Variants in ATG2A observed in about 807,000 individuals in gnomAD.
The protein encoded by ATG2A is autophagy related 2A.
A neutral mutation model predicts 214.2 loss-of-function variants in ATG2A; 103 were observed. That is an observed-to-expected ratio of 0.48 (90% CI 0.41 to 0.57). The LOEUF (loss-of-function observed/expected upper bound fraction) is 0.57. ATG2A is among the 20% of genes least tolerant of loss of function. ATG2A has a pLI of 0.00. For synonymous variants in ATG2A, 1,160 were observed against 1,142.1 expected, an observed-to-expected ratio of 1.02 and a Z score of -0.32; for missense variants, 2,312 against 2,613.2, an observed-to-expected ratio of 0.88 and a Z score of 2.51.
Position 64,914,423 on chromosome 11 carries a change from G to C in ATG2A, c.249C>G (p.Ala83=), listed in dbSNP as rs374688586. ...VEGFVGSIEV[A]VPWAALLTDH... is the part of the protein sequence containing the mutation. The stretch of plus-strand genomic sequence containing the variant: ...CGGTGAGCAGAGCAGCCCAGGGCAC[G>C]GCCACCTCGATGGAGCCCACGAAGC... Residue 83 remains alanine, a synonymous_variant, in exon 2 of 41, where the codon GCC becomes GCG. Transcript: ENST00000377264. The C allele has an allele frequency of 2.5e-6, 4 of 1,612,368 alleles. No individual in the cohort carries two copies. Among genetic ancestry groups the C allele is most frequent in the Non-Finnish European group, 3.4e-6 (4 of 1,179,714 alleles).
chr11:64,901,825 G>A (rs1393899738), intron 29 of ATG2A, 137 bp downstream of exon 29: 2 of 992,172 alleles, frequency 2.0e-6, no homozygotes, highest in East Asian at 5.1e-5. Context: ...CACCCCCGAG[G>A]TGATGGCAAC....
chr11:64,915,132 A>ACCCC (rs34205615), intron 1 of ATG2A, among the ~76,000 whole-genome samples: 3 of 36,582 alleles, frequency 8.2e-5, no homozygotes, highest in Admixed American at 3.0e-4. Flanking sequence ...GCCAGATGGG[A>ACCCC]CCCCCCCCCC....
chr11:64,899,999 T>C (rs1026503382), intron 31 of ATG2A, among the ~76,000 whole-genome samples: 22 of 150,262 alleles, frequency 1.5e-4, no homozygotes, highest in African/African-American at 4.7e-4. Flanking sequence ...GCTGGGACTA[T>C]AGGCACACAC....
At position 64,895,568 on chromosome 11, in the gene ATG2A, G is replaced by A. The variant is rs1381226595; in HGVS notation, c.5428-126C>T. ...TGCCTGTCACTGTGCTGGCCTAGGGGGTCCTGCTCAGCCTCACTCCCCACT... is the reference window on the plus strand; with the variant it reads ...TGCCTGTCACTGTGCTGGCCTAGGGAGTCCTGCTCAGCCTCACTCCCCACT... On this transcript the variant is annotated intron_variant, in intron 39 of 40. Coordinates refer to ENST00000377264, the MANE Select transcript of ATG2A (RefSeq NM_015104.3). This position sits in a 1 kb window ranked among gnomAD's most constrained non-coding sequence, Gnocchi z 5.0. 2.4e-5 allele frequency: 27 copies of A among 1,132,118 alleles called. No individual in the cohort carries two copies. Among genetic ancestry groups the A allele is most frequent in the African/African-American group, 3.2e-5 (2 of 63,446 alleles). The allele number at this position is 1,132,118 out of a possible 1,614,324, so 70.1% of individuals were successfully genotyped here.
chr11:64,900,104 G>C (rs1944300588), intron 31 of ATG2A, among the ~76,000 whole-genome samples: 1 of 149,688 alleles, frequency 6.7e-6, no homozygotes, highest in Non-Finnish European at 1.5e-5. Context: ...GAGCTCAGGT[G>C]ATCTGCTCTC....
In ATG2A at chr11:64,913,909, T is replaced by G. The variant is rs757827358; in HGVS notation, c.502A>C (p.Lys168Gln). 5 of 1,614,042 alleles carry G rather than the reference T, an allele frequency of 3.1e-6. No homozygotes were observed. In the South Asian group the frequency reaches 4.4e-5, roughly 14 times the overall value. The change falls in exon 4 of 41, where the codon AAA becomes CAA. Residue 168 changes from lysine to glutamine, a missense_variant. Coordinates refer to ENST00000377264, the MANE Select transcript of ATG2A (RefSeq NM_015104.3). This position sits in a 1 kb window ranked among gnomAD's most constrained non-coding sequence, Gnocchi z 4.3. The stretch of plus-strand genomic sequence containing the variant: ...ACGACAGTGTCCAGGAAGGTCACTT[T>G]GATCCTCCGAAGCACTGAGGAGTTG... ...QTIETVLRRI[K>Q]VTFLDTVVRV...
rs773151379 is a variant in ATG2A, at chr11:64,907,840, G to A, written c.2415C>T (p.Thr805=). The part of the protein sequence containing the change: ...PEEMRTFQSR[T]LALSRCSLEV... ...CCAGGCTGCAGCGGGACAGTGCCAGGGTCCGGCTCTGGAACGTCCTCATCT... is the reference window on the plus strand; with the variant it reads ...CCAGGCTGCAGCGGGACAGTGCCAGAGTCCGGCTCTGGAACGTCCTCATCT... Residue 805 remains threonine, a synonymous_variant, in exon 17 of 41, where the codon ACC becomes ACT. Transcript: ENST00000377264. 2.7e-5 allele frequency: 44 copies of A among 1,613,298 alleles called. No individual in the cohort carries two copies. The highest frequency in any genetic ancestry group is 1.1e-4 in the South Asian group (10 of 90,984).
intron 30 of ATG2A, 38 bp downstream of exon 30, chr11:64,900,841 CCCCAA>C (rs1565744531): frequency 6.5e-7 from 1 of 1,539,338 alleles, no homozygotes; most frequent in Admixed American, 2.0e-5. Flanking sequence ...CCAGCCTGAG[CCCCAA>C]CCTTCACCAG....
intron 27 of ATG2A, 53 bp downstream of exon 27, chr11:64,902,463 G>C: frequency 6.5e-7 from 1 of 1,531,410 alleles, no homozygotes. Context: ...GCCATGGCAG[G>C]GGAGGGGCCT....
chr11:64,906,529 G>A lies in ATG2A; in HGVS notation c.2988C>T (p.Ala996=), dbSNP rs770669434. 19 of 1,612,596 alleles carry A rather than the reference G, an allele frequency of 1.2e-5. No homozygotes were observed. Among genetic ancestry groups the A allele is most frequent in the East Asian group, 8.9e-5 (4 of 44,880 alleles). The change falls in exon 21 of 41, where the codon GCC becomes GCT. Residue 996 remains alanine, a synonymous_variant. Transcript: ENST00000377264. The part of the protein sequence containing the change: ...AEKATLYHRA[A]VDDYPLPSHL... ...GACTGGGCAGCGGGTAGTCATCCAC[G>A]GCCGCTGGGGAGGGGTCTCATGAGC...
Position 64,898,348 on chromosome 11 carries a change from C to T in ATG2A, c.4686G>A (p.Ala1562=), listed in dbSNP as rs1229625519. Residue 1562 remains alanine (A), a synonymous_variant, in exon 33 of 41, where the codon GCG becomes GCA. Coordinates refer to ENST00000377264, the MANE Select transcript of ATG2A (RefSeq NM_015104.3). This position sits in a 1 kb window ranked among gnomAD's most constrained non-coding sequence, Gnocchi z 4.5. ...RAHSNMLTIK[A]LHVAPTTNLG... ...GGTTGGTAGTGGGGGCCACATGCAG[C>T]GCTTTGATGGTGAGCTGGGAGCAGA... The T allele has an allele frequency of 1.2e-6, 2 of 1,605,054 alleles. No individual in the cohort carries two copies. The highest frequency in any genetic ancestry group is 1.1e-5 in the South Asian group (1 of 90,128).
intron 30 of ATG2A, 116 bp from the exon 31 acceptor site, chr11:64,900,745 G>A: frequency 6.9e-7 from 1 of 1,445,536 alleles, no homozygotes; most frequent in East Asian, 2.5e-5. Context: ...CTGGAAGGCA[G>A]GCGGGATAAG....
chr11:64,906,308 G>T, intron 21 of ATG2A, 26 bp downstream of exon 21: 1 of 1,611,228 alleles, frequency 6.2e-7, no homozygotes, highest in Non-Finnish European at 8.5e-7. Flanking sequence ...GCTAGCAGGA[G>T]GGGTGGATGG....
Position 64,910,185 on chromosome 11 carries a change from CGGGGTCGGCTCTGAGGGCGA to C in ATG2A, c.1708-10_1717del. ...GTGGCAATGGCAGGCAACTGAGCGC[CGGGGTCGGCTCTGAGGGCGA>C]GGGCGTTCAGGTCAGTGAGGGCTGA... is the stretch of plus-strand genomic sequence containing the variant. On this transcript the variant is annotated splice_acceptor_variant and splice_polypyrimidine_tract_variant and coding_sequence_variant and intron_variant, in exon 13 of 41. Transcript: ENST00000377264. LOFTEE classifies it high-confidence loss of function. 1 of 1,601,696 alleles carries C rather than the reference CGGGGTCGGCTCTGAGGGCGA, an allele frequency of 6.2e-7. No individual in the cohort carries two copies. Among genetic ancestry groups the C allele is most frequent in the Admixed American group, 1.7e-5 (1 of 57,928 alleles).
At chr11:64,908,493 G>A (rs1054091157) in intron 16 of ATG2A, among the ~76,000 whole-genome samples, 6 of 152,162 alleles carry the variant, frequency 3.9e-5, no homozygotes, top group African/African-American at 4.8e-5. Flanking sequence ...CGGAGGTTGC[G>A]GTGAGCCGAG....
intron 3 of ATG2A, 73 bp downstream of exon 3, chr11:64,914,008 C>A: frequency 6.4e-7 from 1 of 1,559,798 alleles, no homozygotes; most frequent in Non-Finnish European, 8.7e-7. Flanking sequence ...GGTGGCCGTG[C>A]CGTTGTCTGG....
rs1944868048 is a variant in ATG2A at position 64,913,692 on chromosome 11, C to G, written c.590+129G>C. The G allele has an allele frequency of 6.1e-6, 6 of 977,764 alleles. No homozygotes were observed. Among genetic ancestry groups the G allele is most frequent in the Non-Finnish European group, 7.7e-6 (5 of 651,126 alleles). 60.6% of individuals were successfully genotyped at this position (977,764 alleles called of 1,614,324 possible). ...CACGATGCAGCCCACCTCCCCAACC[C>G]TACCACCACCGAGGCCCATCCAGAT... On this transcript the variant is annotated intron_variant, in intron 4 of 40. Transcript: ENST00000377264. The surrounding 1 kb of genome is among the most constrained non-coding windows in gnomAD (Gnocchi z 4.3).
intron 14 of ATG2A, 41 bp from the exon 15 acceptor site, chr11:64,909,408 CT>C: frequency 6.3e-7 from 1 of 1,585,212 alleles, no homozygotes. Flanking sequence ...TCACTGCTGC[CT>C]TTTCCTATTT....
chr11:64,911,923 A>T lies in ATG2A; in HGVS notation c.1147T>A (p.Ser383Thr). The part of the protein sequence containing the change: ...SSVASALSEL[S>T]LSDVDLASSV... ...GAGGCCAGGTCTACATCGGAGAGGG[A>T]GAGCTCAGAGAGGGCTGAGGCCACA... Residue 383 changes from serine to threonine, a missense_variant, in exon 9 of 41, where the codon TCC (serine) becomes ACC (threonine). By Grantham distance (58) the Ser-to-Thr change is moderately conservative. Coordinates refer to ENST00000377264, the MANE Select transcript of ATG2A (RefSeq NM_015104.3). 2 of 1,613,596 alleles carry T rather than the reference A, an allele frequency of 1.2e-6. No homozygotes were observed. Among genetic ancestry groups the T allele is most frequent in the East Asian group, 2.2e-5 (1 of 44,878 alleles).
Sources: gnomAD v4.1 joint callset for allele counts (sites outside exome capture counted in the v4.1 genomes callset) on GRCh38, gnomAD v4.1.1 for gene constraint, Gnocchi (gnomAD v3.1) non-coding constraint, MANE v1.5 for transcripts, NCBI Gene and HGNC (gene_info 2026-07-23, HGNC 2026-07-21) for gene names.